FRMD5: variants seen among roughly 807,000 people sequenced by gnomAD.
FRMD5 encodes FERM domain-containing protein 5.
FRMD5 carries 20 observed loss-of-function variants against 69.0 expected under a neutral mutation model. The observed-to-expected ratio is 0.29, with a 90% CI of 0.20 to 0.42. FRMD5 has a LOEUF of 0.42. Among genes scored for constraint, FRMD5 ranks in the 10% least tolerant of loss-of-function variants. FRMD5 has a pLI of 1.00. For synonymous variants in FRMD5, 271 were observed against 260.1 expected, an observed-to-expected ratio of 1.04 and a Z score of -0.40; for missense variants, 595 against 708.6, an observed-to-expected ratio of 0.84 and a Z score of 1.82.
chr15:44,154,461 C>T (rs1244288086), intron 1 of FRMD5, among the ~76,000 whole-genome samples: 1 of 151,994 alleles, frequency 6.6e-6, no homozygotes, highest in Non-Finnish European at 1.5e-5. Flanking sequence ...ATTGAGGGCA[C>T]CAAAGCTTTT....
intron 13 of FRMD5, among the ~76,000 whole-genome samples, chr15:43,878,932 CTTTTTTTTTTT>C: frequency 8.9e-6 from 1 of 112,902 alleles, no homozygotes; most frequent in South Asian, 2.9e-4. Flanking sequence ...TTTTTCTTTT[CTTTTTTTTTTT>C]TTTTTTTGAG....
chr15:43,989,004 T>G, intron 1 of FRMD5: 1 of 760,784 alleles, frequency 1.3e-6, no homozygotes, highest in Non-Finnish European at 2.3e-6. Flanking sequence ...CATCTTGTTT[T>G]CTGCGCAAGT....
chr15:43,963,226 C>T (rs1036848201), intron 1 of FRMD5, among the ~76,000 whole-genome samples: 24 of 152,054 alleles, frequency 1.6e-4, no homozygotes, highest in African/African-American at 5.1e-4. Flanking sequence ...AACAAACAAC[C>T]CCATCAAAAA....
At chr15:43,917,746 G>A (rs1384844312) in intron 4 of FRMD5, 1 of 152,300 alleles carries the variant, frequency 6.6e-6, no homozygotes, top group African/African-American at 2.4e-5. Flanking sequence ...GGGTGTCTAT[G>A]ATTTGGATGG....
rs756973569 is a variant in FRMD5, at chr15:44,195,034, G to A, written c.21C>T (p.Ser7=). MLSRLM[S]GSSRSLEREY... Reference sequence around the variant, plus strand: ...CGCGCTCCAGGCTCCTGCTGCTGCCGCTCATCAACCTGCTCAGCATCTTCC... The same window carrying A: ...CGCGCTCCAGGCTCCTGCTGCTGCCACTCATCAACCTGCTCAGCATCTTCC... Residue 7 remains serine (S), a synonymous_variant, in exon 1 of 14, where the codon AGC becomes AGT. Coordinates refer to ENST00000417257, the MANE Select transcript of FRMD5 (RefSeq NM_032892.5). The A allele has an allele frequency of 1.3e-6, 2 of 1,551,688 alleles. No homozygotes were observed. Among genetic ancestry groups the A allele is most frequent in the African/African-American group, 1.4e-5 (1 of 71,876 alleles).
intron 1 of FRMD5, among the ~76,000 whole-genome samples, chr15:44,095,468 G>T (rs2076538677): frequency 6.6e-6 from 1 of 152,132 alleles, no homozygotes; most frequent in Non-Finnish European, 1.5e-5. Flanking sequence ...GCCTCCCAAA[G>T]TAATGGGATT....
At chr15:44,181,345 T>C (rs543771185) in intron 1 of FRMD5, among the ~76,000 whole-genome samples, 3 of 152,192 alleles carry the variant, frequency 2.0e-5, no homozygotes, top group African/African-American at 7.2e-5. Flanking sequence ...TCCTAACCTT[T>C]TTACATTTTT....
chr15:44,151,420 G>GAAAGAA (rs1555409278), intron 1 of FRMD5, among the ~76,000 whole-genome samples: 5 of 147,814 alleles, frequency 3.4e-5, no homozygotes, highest in African/African-American at 5.0e-5. Flanking sequence ...AAGAAAGAAA[G>GAAAGAA]AAAGAAAAAA....
At chr15:43,891,276 A>G (rs576969701) in intron 8 of FRMD5, among the ~76,000 whole-genome samples, 79 of 152,348 alleles carry the variant, frequency 5.2e-4, no homozygotes, top group African/African-American at 1.9e-3. Context: ...ACAGACCCCA[A>G]ATAAAACAGA....
intron 4 of FRMD5, among the ~76,000 whole-genome samples, chr15:43,914,247 G>T (rs1483084731): frequency 6.6e-6 from 1 of 152,162 alleles, no homozygotes; most frequent in African/African-American, 2.4e-5. Flanking sequence ...AGCACTGGAG[G>T]CTCCTGGAGA....
chr15:44,026,616 G>A (rs1045271373), intron 1 of FRMD5, among the ~76,000 whole-genome samples: 3 of 152,060 alleles, frequency 2.0e-5, no homozygotes, highest in Non-Finnish European at 4.4e-5. Context: ...TAAAGTATCC[G>A]AAGTTAGGAC....
rs369847894 is a variant in FRMD5 at position 44,036,450 on chromosome 15, C to T, written c.103-112141G>A. Among the ~76,000 whole-genome samples the T allele has an allele frequency of 7.9e-5, 12 of 152,036 alleles. No individual in the cohort carries two copies. In the East Asian group the frequency reaches 1.9e-3, roughly 24 times the overall value. ...GAAGTTGTTTAGAGAGTATAGGCACCGGCAGCTGGGCCCTTGCAGCCGATT... is the reference window on the plus strand; with the variant it reads ...GAAGTTGTTTAGAGAGTATAGGCACTGGCAGCTGGGCCCTTGCAGCCGATT... On this transcript the variant is annotated intron_variant, in intron 1 of 13. Transcript: ENST00000417257.
intron 1 of FRMD5, among the ~76,000 whole-genome samples, chr15:44,192,689 TTTCATATAAGATACTGTCTTTTTGCTACA>T (rs1273117016): frequency 6.6e-6 from 1 of 152,186 alleles, no homozygotes; most frequent in African/African-American, 2.4e-5. Context: ...AAAATGTTAA[TTTCATATAAGATACTGTCTTTTTGCTACA>T]TTTCCTCACA....
chr15:44,066,412 G>A (rs1893313286), intron 1 of FRMD5, among the ~76,000 whole-genome samples: 1 of 152,144 alleles, frequency 6.6e-6, no homozygotes, highest in Non-Finnish European at 1.5e-5. Flanking sequence ...AGATTGGAGA[G>A]CGCCCTCTGG....
At chr15:44,112,300 T>C (rs1309809000) in intron 1 of FRMD5, among the ~76,000 whole-genome samples, 1 of 152,180 alleles carries the variant, frequency 6.6e-6, no homozygotes, top group African/African-American at 2.4e-5. Flanking sequence ...GTTATATGGT[T>C]TTAGAAATCA....
intron 1 of FRMD5, among the ~76,000 whole-genome samples, chr15:44,095,945 G>A (rs1431818162): frequency 6.6e-6 from 1 of 152,118 alleles, no homozygotes; most frequent in Non-Finnish European, 1.5e-5. Context: ...GGCGGCTCAC[G>A]CCTATAATCC....
intron 10 of FRMD5, among the ~76,000 whole-genome samples, chr15:43,887,013 C>T (rs768687071): frequency 1.3e-5 from 2 of 152,176 alleles, no homozygotes; most frequent in Non-Finnish European, 2.9e-5. Flanking sequence ...AGTGAGGTCA[C>T]AGGTTCAGAA....
At chr15:43,946,772 C>T (rs1157292035) in intron 1 of FRMD5, among the ~76,000 whole-genome samples, 3 of 152,184 alleles carry the variant, frequency 2.0e-5, no homozygotes, top group Non-Finnish European at 1.5e-5. Context: ...TTCTGTCCCC[C>T]TGCTCCCTAC....
chr15:44,070,567 G>C (rs1428090483), intron 1 of FRMD5, among the ~76,000 whole-genome samples: 1 of 152,186 alleles, frequency 6.6e-6, no homozygotes, highest in African/African-American at 2.4e-5. Flanking sequence ...TAAGTAATCT[G>C]TGGAGCCTCA....
Sources: allele counts gnomAD v4.1 joint callset (sites outside exome capture counted in the v4.1 genomes callset), GRCh38; gene constraint gnomAD v4.1.1; transcripts MANE v1.5; gene names NCBI Gene and HGNC (gene_info 2026-07-23, HGNC 2026-07-21).